The following PKHD1 variants were observed in gnomAD, a reference collection of about 807,000 sequenced individuals.
The protein encoded by PKHD1 is fibrocystin.
A neutral mutation model predicts 412.0 loss-of-function variants in PKHD1; 291 were observed. The observed-to-expected ratio is 0.71, with a 90% CI of 0.64 to 0.78. The LOEUF (loss-of-function observed/expected upper bound fraction) is 0.78, where lower values mean the gene tolerates loss of function less well. Among genes scored for constraint, PKHD1 ranks in the 30% least tolerant of loss-of-function variants. The probability of loss-of-function intolerance (pLI) is 0.00; values close to 1 mark genes in which losing one functional copy is unlikely to be tolerated. For synonymous variants in PKHD1, 1,777 were observed against 1,821.5 expected, an observed-to-expected ratio of 0.98 and a Z score of 0.62; for missense variants, 4,825 against 4,950.7, an observed-to-expected ratio of 0.97 and a Z score of 0.76.
chr6:51,972,613 A>G (rs1793833084), intron 35 of PKHD1, among the ~76,000 whole-genome samples: 1 of 152,142 alleles, frequency 6.6e-6, no homozygotes. Context: ...CTTTGTGAAC[A>G]TTTACTGGGT....
intron 60 of PKHD1, among the ~76,000 whole-genome samples, chr6:51,669,396 C>T (rs9474044): frequency 9.2e-5 from 14 of 151,730 alleles, no homozygotes; most frequent in African/African-American, 1.5e-4. Context: ...GGTGATATCC[C>T]CTTTATCATT....
chr6:51,730,932 A>G (rs1002465330), intron 60 of PKHD1, among the ~76,000 whole-genome samples: 8 of 152,188 alleles, frequency 5.3e-5, no homozygotes, highest in Non-Finnish European at 8.8e-5. Flanking sequence ...TGAGAGGTTG[A>G]AGGGAGGGAA....
intron 36 of PKHD1, among the ~76,000 whole-genome samples, chr6:51,950,220 A>AAAAAATATATATATATATATATAT: frequency 9.0e-4 from 88 of 98,258 alleles, no homozygotes; most frequent in Admixed American, 1.5e-3. Context: ...GAAAAAAAAA[A>AAAAAATATATATATATATATATAT]ATATATATAT....
intron 35 of PKHD1, among the ~76,000 whole-genome samples, chr6:51,978,733 C>T (rs1256412953): frequency 6.6e-6 from 1 of 152,148 alleles, no homozygotes; most frequent in Non-Finnish European, 1.5e-5. Flanking sequence ...CACTGTAAGT[C>T]CCAGGCATAC....
chr6:51,819,246 C>T (rs1304330219), intron 52 of PKHD1, among the ~76,000 whole-genome samples: 2 of 152,132 alleles, frequency 1.3e-5, no homozygotes, highest in African/African-American at 4.8e-5. Context: ...AGTTATACAA[C>T]CCATATTGTC....
At chr6:51,848,730 T>C (rs1562455808) in intron 49 of PKHD1, among the ~76,000 whole-genome samples, 1 of 152,166 alleles carries the variant, frequency 6.6e-6, no homozygotes, top group Non-Finnish European at 1.5e-5. Flanking sequence ...GAATTCCTCA[T>C]GACCATGGCA....
At position 51,934,110 on chromosome 6, in the gene PKHD1, C is replaced by T. The variant is rs199589074; in HGVS notation, c.6121G>A (p.Gly2041Ser). 4.2e-5 allele frequency: 68 copies of T among 1,606,010 alleles called. No homozygotes were observed. In the African/African-American group the frequency reaches 6.3e-4, roughly 15 times the overall value. Reference protein sequence around the residue: ...AVRNGTLSLHGSLPEVIVTCL... With the variant: ...AVRNGTLSLHSSLPEVIVTCL... ...TCCTCTGATCAATTGCCTCACTCAC[C>T]GTGCAGAGAAAGAGTTCCATTCCTC... The change falls in exon 37 of 67, where the codon GGT becomes AGT. Residue 2041 changes from glycine to serine, a missense_variant and splice_region_variant. Physicochemically the swap from Gly to Ser is moderately conservative, Grantham distance 56. Transcript: ENST00000371117.
At chr6:52,081,451 T>A (rs1266261489) in intron 4 of PKHD1, among the ~76,000 whole-genome samples, 1 of 152,174 alleles carries the variant, frequency 6.6e-6, no homozygotes, top group Non-Finnish European at 1.5e-5. Flanking sequence ...AGCACTTAAT[T>A]CTGTGAGGAG....
intron 52 of PKHD1, among the ~76,000 whole-genome samples, chr6:51,800,689 G>T (rs996527784): frequency 6.6e-6 from 1 of 152,210 alleles, no homozygotes; most frequent in Non-Finnish European, 1.5e-5. Context: ...CAGATCCTGG[G>T]AATAATGATG....
chr6:51,776,847 T>C (rs892406561), intron 53 of PKHD1, among the ~76,000 whole-genome samples: 7 of 152,094 alleles, frequency 4.6e-5, no homozygotes, highest in Non-Finnish European at 4.4e-5. Flanking sequence ...CCTAATTTTA[T>C]TGATGTTAAC....
At chr6:52,084,812 T>A in intron 2 of PKHD1, 70 bp downstream of exon 2, 1 of 990,482 alleles carries the variant, frequency 1.0e-6, no homozygotes, top group East Asian at 2.4e-5. Context: ...TACTTTAAGT[T>A]TCAATAATAG....
At chr6:51,654,631 A>G (rs1281465823) in intron 61 of PKHD1, among the ~76,000 whole-genome samples, 1 of 106,808 alleles carries the variant, frequency 9.4e-6, no homozygotes, top group Non-Finnish European at 1.9e-5. Context: ...CATCCTTTTC[A>G]TAGCAAAATA....
At chr6:52,021,510 T>A (rs116727053) in intron 33 of PKHD1, among the ~76,000 whole-genome samples, 2,810 of 152,298 alleles carry the variant, frequency 0.018, 90 homozygotes, top group African/African-American at 0.064. Context: ...GTTTATGCTA[T>A]CTCTCATTTA....
At chr6:51,990,173 A>T (rs1232560017) in intron 35 of PKHD1, among the ~76,000 whole-genome samples, 2 of 151,594 alleles carry the variant, frequency 1.3e-5, no homozygotes, top group East Asian at 2.0e-4. Flanking sequence ...TCATGCCAGT[A>T]ACTAGATAAC....
At chr6:51,654,268 C>T (rs1771449600) in intron 61 of PKHD1, among the ~76,000 whole-genome samples, 1 of 152,156 alleles carries the variant, frequency 6.6e-6, no homozygotes, top group South Asian at 2.1e-4. Context: ...AATGGCTAAG[C>T]AGCTTCATAG....
rs1322865749 is a variant in PKHD1 at position 52,017,539 on chromosome 6, G to C, written c.5471C>G (p.Ala1824Gly). 6.2e-7 allele frequency: 1 copy of C among 1,613,990 alleles called. No individual in the cohort carries two copies. The highest frequency in any genetic ancestry group is 1.1e-5 in the South Asian group (1 of 91,064). The part of the protein sequence containing the change: ...HTYVQCDLTV[A>G]MATEQLLESW... ...TTCAAGCAGTTGCTCTGTCGCCATG[G>C]CAACTGTCAAATCACACTGCACATA... The change falls in exon 34 of 67, where the codon GCC becomes GGC. Residue 1824 changes from alanine to glycine, a missense_variant. Transcript: ENST00000371117.
intron 15 of PKHD1, among the ~76,000 whole-genome samples, chr6:52,059,259 C>CTTTTTTTTTTTTTTTTTTTTTTTTTT (rs55992586): frequency 4.1e-4 from 34 of 83,516 alleles, no homozygotes; most frequent in South Asian, 9.8e-4. Flanking sequence ...TTTTCTTTTT[C>CTTTTTTTTTTTTTTTTTTTTTTTTTT]TTTTTTTTTT....
At chr6:51,710,306 A>G (rs189501028) in intron 60 of PKHD1, among the ~76,000 whole-genome samples, 32 of 152,350 alleles carry the variant, frequency 2.1e-4, no homozygotes, top group Non-Finnish European at 4.0e-4. Context: ...ATAAATATGG[A>G]TGACAAGAGA....
intron 20 of PKHD1, 41 bp downstream of exon 20, chr6:52,053,997 G>A: frequency 6.2e-7 from 1 of 1,611,260 alleles, no homozygotes; most frequent in Non-Finnish European, 8.5e-7. Flanking sequence ...AATCCTCCCA[G>A]CTGACTGAAT....
Sources: gnomAD v4.1 joint callset for allele counts (sites outside exome capture counted in the v4.1 genomes callset) on GRCh38, gnomAD v4.1.1 for gene constraint, MANE v1.5 for transcripts, NCBI Gene and HGNC (gene_info 2026-07-23, HGNC 2026-07-21) for gene names.